The following CSMD1 variants were observed in gnomAD, a reference collection of about 807,000 sequenced individuals.
CSMD1 encodes CUB and Sushi multiple domains 1, also known as CUB and sushi domain-containing protein 1.
A neutral mutation model predicts 417.5 loss-of-function variants in CSMD1; 213 were observed. The observed-to-expected ratio is 0.51, with a 90% CI of 0.46 to 0.57. CSMD1 has a LOEUF of 0.57. CSMD1 is among the 20% of genes least tolerant of loss of function. The probability of loss-of-function intolerance (pLI) is 0.00; values close to 1 mark genes in which losing one functional copy is unlikely to be tolerated. For synonymous variants in CSMD1, 2,862 were observed against 1,736.8 expected, an observed-to-expected ratio of 1.65 and a Z score of -16.11; for missense variants, 6,923 against 4,529.7, an observed-to-expected ratio of 1.53 and a Z score of -15.17.
chr8:4,366,161 G>C (rs370147965), intron 3 of CSMD1, among the ~76,000 whole-genome samples: 1 of 152,248 alleles, frequency 6.6e-6, no homozygotes, highest in Admixed American at 6.5e-5. Flanking sequence ...TCCCGTTTAT[G>C]AGAACATGCA....
chr8:4,439,057 A>G (rs1798312541), intron 2 of CSMD1, among the ~76,000 whole-genome samples: 1 of 152,186 alleles, frequency 6.6e-6, no homozygotes, highest in Admixed American at 6.5e-5. Context: ...TAGCTGATAT[A>G]GGTCTTATTG....
intron 54 of CSMD1, among the ~76,000 whole-genome samples, chr8:2,981,782 A>G (rs1391123943): frequency 6.6e-6 from 1 of 152,190 alleles, no homozygotes; most frequent in African/African-American, 2.4e-5. Context: ...TAATACCGGG[A>G]TCAATAACAG....
chr8:4,381,458 G>C (rs568490041), intron 3 of CSMD1, among the ~76,000 whole-genome samples: 1 of 152,160 alleles, frequency 6.6e-6, no homozygotes, highest in Non-Finnish European at 1.5e-5. Flanking sequence ...TGGTGCCGAC[G>C]TGTGCTAAAG....
chr8:4,929,461 C>T (rs28570156), intron 1 of CSMD1, among the ~76,000 whole-genome samples: 4 of 152,134 alleles, frequency 2.6e-5, no homozygotes, highest in Non-Finnish European at 5.9e-5. Context: ...ATATATCTAA[C>T]TATGCATAGG....
chr8:4,892,682 C>T (rs1804200977), intron 1 of CSMD1, among the ~76,000 whole-genome samples: 1 of 152,030 alleles, frequency 6.6e-6, no homozygotes, highest in Non-Finnish European at 1.5e-5. Flanking sequence ...TCTATGCATT[C>T]ATATAGTCTT....
chr8:3,724,186 CTT>C (rs1343739235), intron 6 of CSMD1, among the ~76,000 whole-genome samples: 15 of 71,934 alleles, frequency 2.1e-4, no homozygotes, highest in Non-Finnish European at 6.0e-5. Context: ...AATGCTACCT[CTT>C]TTACTACTTT....
intron 26 of CSMD1, among the ~76,000 whole-genome samples, chr8:3,263,185 G>A (rs1801203237): frequency 6.6e-6 from 1 of 152,102 alleles, no homozygotes; most frequent in Admixed American, 6.6e-5. Context: ...TGCAACCCCT[G>A]CCTCCTGGGT....
At position 4,365,621 on chromosome 8, in the gene CSMD1, C is replaced by A. The variant is rs532209709; in HGVS notation, c.415+54332G>T. On this transcript the variant is annotated intron_variant, in intron 3 of 69. Coordinates refer to ENST00000635120, the MANE Select transcript of CSMD1 (RefSeq NM_033225.6). Reference sequence around the variant, plus strand: ...TCTGTCTTTGTACTTGATTTGTTTACTCTGAACACTAACGGTGAATTTTAA... The same window carrying A: ...TCTGTCTTTGTACTTGATTTGTTTAATCTGAACACTAACGGTGAATTTTAA... Among the ~76,000 whole-genome samples, 282 of 152,302 alleles carry A rather than the reference C, an allele frequency of 1.9e-3. 2 individuals carry two copies. Among genetic ancestry groups the A allele is most frequent in the African/African-American group, 6.4e-3 (268 of 41,570 alleles).
At position 4,647,045 on chromosome 8, in the gene CSMD1, G is replaced by C. The variant is rs141676990; in HGVS notation, c.86-9487C>G. On this transcript the variant is annotated intron_variant, in intron 1 of 69. Transcript: ENST00000635120. ...GGCCCTCCTCTAGGCCATCCAAAGT[G>C]AGGCCAAGATGGCAGCAAAGTCAGT... Among the ~76,000 whole-genome samples, 25 of 152,214 alleles carry C rather than the reference G, an allele frequency of 1.6e-4. No individual in the cohort carries two copies. In the South Asian group the frequency reaches 5.2e-3, roughly 32 times the overall value.
intron 9 of CSMD1, among the ~76,000 whole-genome samples, chr8:3,582,372 A>T (rs879284339): frequency 6.6e-6 from 1 of 152,142 alleles, no homozygotes; most frequent in Admixed American, 6.5e-5. Context: ...AAAAAAGGGA[A>T]TGGTGACATA....
At chr8:4,138,426 A>C (rs553104501) in intron 3 of CSMD1, among the ~76,000 whole-genome samples, 4 of 152,010 alleles carry the variant, frequency 2.6e-5, no homozygotes, top group Non-Finnish European at 5.9e-5. Flanking sequence ...TCAGCCTCAA[A>C]AACACCTTCT....
intron 38 of CSMD1, among the ~76,000 whole-genome samples, chr8:3,159,792 C>CG (rs1222637269): frequency 2.0e-5 from 3 of 152,142 alleles, no homozygotes; most frequent in Non-Finnish European, 4.4e-5. Flanking sequence ...AGGCCTGTGT[C>CG]CCTAAGCAGC....
At chr8:2,992,210 T>A (rs551159518) in intron 54 of CSMD1, among the ~76,000 whole-genome samples, 2 of 149,160 alleles carry the variant, frequency 1.3e-5, no homozygotes, top group Non-Finnish European at 2.9e-5. Context: ...CATACACACA[T>A]GCACACACAC....
At chr8:4,255,397 G>T (rs1803384112) in intron 3 of CSMD1, among the ~76,000 whole-genome samples, 1 of 152,158 alleles carries the variant, frequency 6.6e-6, no homozygotes, top group Admixed American at 6.6e-5. Context: ...AATTAAAGAG[G>T]ACGCAATATG....
intron 1 of CSMD1, among the ~76,000 whole-genome samples, chr8:4,750,612 A>C (rs1441675725): frequency 6.6e-6 from 1 of 152,144 alleles, no homozygotes; most frequent in African/African-American, 2.4e-5. Flanking sequence ...CAGCAATGAG[A>C]CTAAGAGAAT....
intron 3 of CSMD1, among the ~76,000 whole-genome samples, chr8:4,150,066 T>C (rs775337563): frequency 5.3e-5 from 8 of 152,220 alleles, no homozygotes; most frequent in African/African-American, 9.6e-5. Flanking sequence ...GGTGAAGAAG[T>C]TAATGTAAGT....
At chr8:4,874,478 C>T (rs1475474255) in intron 1 of CSMD1, among the ~76,000 whole-genome samples, 1 of 149,950 alleles carries the variant, frequency 6.7e-6, no homozygotes, top group Non-Finnish European at 1.5e-5. Flanking sequence ...CAATCTCTGC[C>T]TCCCAGGTTC....
chr8:4,123,603 T>C (rs1172672819), intron 3 of CSMD1, among the ~76,000 whole-genome samples: 2 of 152,216 alleles, frequency 1.3e-5, no homozygotes, highest in Non-Finnish European at 2.9e-5. Flanking sequence ...TTTATCACTT[T>C]TGAAAAAAAG....
intron 7 of CSMD1, among the ~76,000 whole-genome samples, chr8:3,665,257 A>T (rs1255860943): frequency 6.6e-6 from 1 of 152,168 alleles, no homozygotes; most frequent in Non-Finnish European, 1.5e-5. Flanking sequence ...ACAGTGGCTC[A>T]CATCTGTAAT....
Sources: allele counts gnomAD v4.1 joint callset (sites outside exome capture counted in the v4.1 genomes callset), GRCh38; gene constraint gnomAD v4.1.1; transcripts MANE v1.5; gene names NCBI Gene and HGNC (gene_info 2026-07-23, HGNC 2026-07-21).